The following KLHL1 variants were observed in gnomAD, a reference collection of about 807,000 sequenced individuals.
KLHL1 encodes kelch like family member 1, also known as kelch-like protein 1.
In KLHL1, 47 loss-of-function variants were observed where a neutral mutation model predicts 77.7. The ratio of observed to expected loss-of-function variants is 0.60; its 90% CI spans 0.48 to 0.77. KLHL1 has a LOEUF of 0.77. Ranked by LOEUF, KLHL1 falls within the 30% of genes least tolerant of loss-of-function variation. KLHL1 has a pLI of 0.00. For missense variants in KLHL1, 925 were observed against 910.8 expected (o/e 1.02, Z -0.20); for synonymous variants, 360 against 325.2 (o/e 1.11, Z -1.15).
chr13:69,865,297 A>G (rs1304657156), intron 5 of KLHL1, among the ~76,000 whole-genome samples: 1 of 152,126 alleles, frequency 6.6e-6, no homozygotes, highest in African/African-American at 2.4e-5. Flanking sequence ...TCTGAGTATG[A>G]GGGCCAGAGC....
chr13:69,839,586 A>G (rs1355121820), intron 5 of KLHL1, among the ~76,000 whole-genome samples: 1 of 151,994 alleles, frequency 6.6e-6, no homozygotes, highest in Admixed American at 6.6e-5. Context: ...ATTTAATTTA[A>G]AATGTTTCAA....
rs1231071099 is a variant in KLHL1, at chr13:70,108,072, C to T, written c.-373G>A. 1.3e-4 allele frequency: 54 copies of T among 414,450 alleles called. No individual in the cohort carries two copies. In the East Asian group the frequency reaches 1.8e-3, roughly 13 times the overall value. 25.7% of individuals were successfully genotyped at this position (414,450 alleles called of 1,614,324 possible). A position where few individuals can be genotyped will look rare whatever the true frequency, so the allele number is the denominator to read the frequency against. ...GCGAGGGAGGGAGGTCTGAGCGCTC[C>T]GAAGCTCCGGAGGCGGCTGCAGCTG... On this transcript the variant is annotated 5_prime_UTR_variant, in exon 1 of 11. Coordinates refer to ENST00000377844, the MANE Select transcript of KLHL1 (RefSeq NM_020866.3).
chr13:69,850,197 T>C (rs1006171288), intron 5 of KLHL1, among the ~76,000 whole-genome samples: 1 of 151,542 alleles, frequency 6.6e-6, no homozygotes, highest in Admixed American at 6.6e-5. Flanking sequence ...TCTGAACTTA[T>C]TTTTCCCATT....
chr13:69,714,080 A>G (rs1366374740), intron 9 of KLHL1, among the ~76,000 whole-genome samples: 2 of 152,134 alleles, frequency 1.3e-5, no homozygotes, highest in Admixed American at 1.3e-4. Context: ...TCCCCTCCTT[A>G]AAAATATAAT....
chr13:69,966,017 G>A (rs1884201516), intron 2 of KLHL1, among the ~76,000 whole-genome samples: 1 of 152,142 alleles, frequency 6.6e-6, no homozygotes, highest in Admixed American at 6.6e-5. Flanking sequence ...AAGTGGGTTG[G>A]TGCAAAAGTT....
chr13:69,770,334 C>T (rs1030060891), intron 7 of KLHL1, among the ~76,000 whole-genome samples: 2 of 152,328 alleles, frequency 1.3e-5, no homozygotes, highest in South Asian at 2.1e-4. Context: ...GCTGAGCAGG[C>T]ATGAACAAAA....
At chr13:70,015,783 T>G (rs540835572) in intron 1 of KLHL1, among the ~76,000 whole-genome samples, 2 of 152,196 alleles carry the variant, frequency 1.3e-5, no homozygotes, top group Non-Finnish European at 2.9e-5. Flanking sequence ...AAATTTATGA[T>G]GGGTTTACTG....
At chr13:69,754,654 A>G (rs1255996697) in intron 7 of KLHL1, among the ~76,000 whole-genome samples, 5 of 152,166 alleles carry the variant, frequency 3.3e-5, no homozygotes, top group Admixed American at 3.3e-4. Context: ...TATTGCCACT[A>G]GAAAAAAAAA....
At chr13:69,991,049 A>G (rs188488932) in intron 1 of KLHL1, among the ~76,000 whole-genome samples, 1 of 151,938 alleles carries the variant, frequency 6.6e-6, no homozygotes, top group Non-Finnish European at 1.5e-5. Flanking sequence ...TGCTTCTGAA[A>G]GATTCTTGAG....
intron 6 of KLHL1, among the ~76,000 whole-genome samples, chr13:69,807,549 G>T (rs79460924): frequency 0.081 from 12,292 of 152,144 alleles, 570 homozygotes; most frequent in Non-Finnish European, 0.099. Flanking sequence ...TCCCCATGTA[G>T]TTCACCTGAG....
In KLHL1 at chr13:69,975,102, T is replaced by C. The variant is rs567681108; in HGVS notation, c.680+518A>G. Among the ~76,000 whole-genome samples the C allele has an allele frequency of 1.8e-3, 267 of 152,092 alleles. 2 individuals are homozygous for C. The highest frequency in any genetic ancestry group is 6.3e-3 in the African/African-American group (260 of 41,536). On this transcript the variant is annotated intron_variant, in intron 2 of 10. Coordinates refer to ENST00000377844, the MANE Select transcript of KLHL1 (RefSeq NM_020866.3). ...ATGAATAAAACTATTAGCTTTCAAA[T>C]GAATTATGGCTTTAAAAATAATATC... is the stretch of plus-strand genomic sequence containing the variant.
At chr13:70,001,268 C>T (rs1315346307) in intron 1 of KLHL1, among the ~76,000 whole-genome samples, 1 of 150,906 alleles carries the variant, frequency 6.6e-6, no homozygotes, top group African/African-American at 2.4e-5. Flanking sequence ...CAAATATTTA[C>T]CTTATAAAAA....
At chr13:69,920,632 A>G (rs1186248959) in intron 4 of KLHL1, among the ~76,000 whole-genome samples, 1 of 152,102 alleles carries the variant, frequency 6.6e-6, no homozygotes, top group African/African-American at 2.4e-5. Flanking sequence ...GTTGGACTTT[A>G]TATAAATTTA....
chr13:69,887,545 T>C (rs1470643873), intron 4 of KLHL1, among the ~76,000 whole-genome samples: 1 of 152,218 alleles, frequency 6.6e-6, no homozygotes, highest in Non-Finnish European at 1.5e-5. Flanking sequence ...CTTCGTTACT[T>C]GGCTTAGAGA....
chr13:69,994,529 A>G (rs1415688168), intron 1 of KLHL1, among the ~76,000 whole-genome samples: 7 of 152,130 alleles, frequency 4.6e-5, no homozygotes, highest in African/African-American at 1.4e-4. Flanking sequence ...ATTTATGCCC[A>G]AAGGGAAAAT....
chr13:69,795,120 C>T (rs985603539), intron 7 of KLHL1, among the ~76,000 whole-genome samples: 3 of 152,150 alleles, frequency 2.0e-5, no homozygotes, highest in Non-Finnish European at 4.4e-5. Context: ...TCGGAGAACA[C>T]AGATATCTTG....
chr13:69,854,730 T>A (rs1879821640), intron 5 of KLHL1, among the ~76,000 whole-genome samples: 1 of 152,092 alleles, frequency 6.6e-6, no homozygotes, highest in African/African-American at 2.4e-5. Flanking sequence ...TTGCTCCAGT[T>A]TCTAGAACAC....
intron 4 of KLHL1, among the ~76,000 whole-genome samples, chr13:69,898,890 A>C (rs554722920): frequency 2.0e-5 from 3 of 152,224 alleles, no homozygotes; most frequent in Non-Finnish European, 4.4e-5. Context: ...ATTGATTATA[A>C]GTGGTCCAAT....
Position 69,812,347 on chromosome 13 carries a change from G to A in KLHL1, c.1415-15385C>T, listed in dbSNP as rs556580471. On this transcript the variant is annotated intron_variant, in intron 6 of 10. Transcript: ENST00000377844. ...TTCAAGATGGATTAAAGACTTAAAT[G>A]TTAGACCTGAAACCATAAAAATCCT... Among the ~76,000 whole-genome samples, 7 of 152,196 alleles carry A rather than the reference G, an allele frequency of 4.6e-5. No individual in the cohort carries two copies. In the South Asian group the frequency reaches 1.5e-3, roughly 32 times the overall value.
Sources: gnomAD v4.1 joint callset for allele counts (sites outside exome capture counted in the v4.1 genomes callset) on GRCh38, gnomAD v4.1.1 for gene constraint, MANE v1.5 for transcripts, NCBI Gene and HGNC (gene_info 2026-07-23, HGNC 2026-07-21) for gene names.